SGCD: variants seen among roughly 807,000 people sequenced by gnomAD.
SGCD encodes the protein delta-sarcoglycan.
A neutral mutation model predicts 36.6 loss-of-function variants in SGCD; 18 were observed. The observed-to-expected ratio is 0.49, with a 90% CI of 0.34 to 0.73. The LOEUF (loss-of-function observed/expected upper bound fraction) is 0.73, where lower values mean the gene tolerates loss of function less well. SGCD is among the 30% of genes least tolerant of loss of function. SGCD has a pLI of 0.01. For synonymous variants in SGCD, 133 were observed against 130.6 expected (o/e 1.02, Z -0.12); for missense variants, 387 against 346.7 (o/e 1.12, Z -0.92).
In SGCD at chr5:156,440,316, C is replaced by A. The variant is rs540706832; in HGVS notation, c.193-68285C>A. ...GTACTTTATTCTTTTTTATTGCTGACTAATATTTCTTTTTGTGGATTATGC... is the reference window on the plus strand; with the variant it reads ...GTACTTTATTCTTTTTTATTGCTGAATAATATTTCTTTTTGTGGATTATGC... On this transcript the variant is annotated intron_variant, in intron 3 of 8. Transcript: ENST00000337851. Among the ~76,000 whole-genome samples the A allele has an allele frequency of 5.3e-5, 8 of 152,172 alleles. No individual in the cohort carries two copies. The East Asian group carries it at 1.4e-3, about 26-fold the overall frequency.
the SGCD span, among the ~76,000 whole-genome samples, chr5:155,743,122 C>T: frequency 6.6e-6 from 1 of 152,132 alleles, no homozygotes. Context: ...TTTAGGTAGT[C>T]ATGATTGTTT....
intron 1 of SGCD, among the ~76,000 whole-genome samples, chr5:156,095,337 G>A (rs1761349702): frequency 6.6e-6 from 1 of 152,092 alleles, no homozygotes; most frequent in African/African-American, 2.4e-5. Flanking sequence ...TCCAAGTCCC[G>A]GTCTATCTAT....
chr5:156,568,315 C>G (rs1192402795), intron 4 of SGCD, among the ~76,000 whole-genome samples: 1 of 152,136 alleles, frequency 6.6e-6, no homozygotes, highest in Non-Finnish European at 1.5e-5. Flanking sequence ...ACCCGGGAGG[C>G]AGAGGTAGTG....
chr5:156,117,575 T>C (rs188474085), intron 1 of SGCD, among the ~76,000 whole-genome samples: 7 of 152,254 alleles, frequency 4.6e-5, no homozygotes, highest in Non-Finnish European at 1.0e-4. Flanking sequence ...AGCAAACAAC[T>C]GCATACTTAG....
intron 1 of SGCD, among the ~76,000 whole-genome samples, chr5:155,916,037 C>G (rs1424451348): frequency 6.6e-6 from 1 of 152,182 alleles, no homozygotes; most frequent in Non-Finnish European, 1.5e-5. Flanking sequence ...CTTAAGCAGC[C>G]ATTTTTACAA....
At position 156,589,234 on chromosome 5, in the gene SGCD, A is replaced by C. The variant is rs1436273126; in HGVS notation, c.298A>C (p.Asn100His). 1.9e-6 allele frequency: 3 copies of C among 1,555,114 alleles called. No individual in the cohort carries two copies. In the East Asian group the frequency reaches 7.0e-5, roughly 36 times the overall value. ...YAKEIQSRPG[N>H]ALYFKSARNV... ...TTCTCTTATTTTCTTATTGCAGGGT[A>C]ATGCCCTGTACTTCAAGTCTGCCAG... The change falls in exon 5 of 9, where the codon AAT (asparagine) becomes CAT (histidine). Residue 100 changes from asparagine (N) to histidine (H), a missense_variant. By Grantham distance (68) the Asn-to-His change is moderately conservative. Transcript: ENST00000337851.
chr5:155,798,151 A>G, the SGCD span, among the ~76,000 whole-genome samples: 11 of 152,006 alleles, frequency 7.2e-5, no homozygotes, highest in African/African-American at 2.4e-4. Flanking sequence ...GATTCCATAC[A>G]CTTCTTCCTT....
intron 1 of SGCD, among the ~76,000 whole-genome samples, chr5:155,981,030 C>T (rs182817475): frequency 7.6e-4 from 116 of 152,298 alleles, no homozygotes; most frequent in South Asian, 3.9e-3. Flanking sequence ...CTCTCTGGCT[C>T]ACAGGAGAGG....
chr5:156,277,182 TGCCAGGCAA>T (rs1766339511), intron 3 of SGCD, among the ~76,000 whole-genome samples: 1 of 152,182 alleles, frequency 6.6e-6, no homozygotes, highest in South Asian at 2.1e-4. Flanking sequence ...GTGCTGGGTG[TGCCAGGCAA>T]GCCTTACCTG....
At chr5:156,245,744 C>G (rs1469209162) in intron 3 of SGCD, among the ~76,000 whole-genome samples, 1 of 151,770 alleles carries the variant, frequency 6.6e-6, no homozygotes, top group Non-Finnish European at 1.5e-5. Flanking sequence ...TGGAGAAATT[C>G]TAGAAGACAA....
At chr5:156,166,217 A>AATTACTAATTG (rs1395582929) in intron 3 of SGCD, among the ~76,000 whole-genome samples, 1 of 150,206 alleles carries the variant, frequency 6.7e-6, no homozygotes, top group East Asian at 1.9e-4. Flanking sequence ...CTTTTTTTAA[A>AATTACTAATTG]ATTACTAATT....
chr5:156,223,229 T>C (rs1213217881), intron 3 of SGCD, among the ~76,000 whole-genome samples: 1 of 152,028 alleles, frequency 6.6e-6, no homozygotes, highest in East Asian at 1.9e-4. Flanking sequence ...GTAGTGGCGT[T>C]CATGACACAA....
chr5:155,963,372 T>C (rs570255412), intron 1 of SGCD, among the ~76,000 whole-genome samples: 151 of 152,256 alleles, frequency 9.9e-4, no homozygotes, highest in Non-Finnish European at 1.8e-3. Context: ...TCTCCCCATG[T>C]CACTTACCTA....
At chr5:155,913,018 T>C (rs1756663171) in intron 1 of SGCD, among the ~76,000 whole-genome samples, 1 of 152,170 alleles carries the variant, frequency 6.6e-6, no homozygotes, top group Admixed American at 6.5e-5. Flanking sequence ...TCCGAACTTT[T>C]GCATTGTGAT....
At chr5:155,898,637 G>A (rs973468008) in intron 1 of SGCD, among the ~76,000 whole-genome samples, 1 of 152,084 alleles carries the variant, frequency 6.6e-6, no homozygotes, top group East Asian at 1.9e-4. Context: ...TCCCAGGGTT[G>A]GTGTAGTATC....
At chr5:156,341,094 A>G (rs775553552) in intron 2 of SGCD, among the ~76,000 whole-genome samples, 13 of 152,154 alleles carry the variant, frequency 8.5e-5, no homozygotes, top group Non-Finnish European at 1.5e-4. Context: ...ATGACATGCA[A>G]TAAGCCACTA....
At chr5:155,950,869 C>T (rs567382389) in intron 1 of SGCD, among the ~76,000 whole-genome samples, 1 of 152,294 alleles carries the variant, frequency 6.6e-6, no homozygotes, top group African/African-American at 2.4e-5. Flanking sequence ...GCAGGAAACC[C>T]TCTCACCTAA....
At chr5:156,146,093 G>A (rs1251363423) in intron 3 of SGCD, among the ~76,000 whole-genome samples, 6 of 152,102 alleles carry the variant, frequency 3.9e-5, no homozygotes, top group Admixed American at 2.0e-4. Context: ...GGCGCCTGTA[G>A]TCCCAGCTAC....
intron 1 of SGCD, among the ~76,000 whole-genome samples, chr5:155,900,094 GA>G (rs1196300085): frequency 1.3e-5 from 2 of 152,070 alleles, no homozygotes; most frequent in African/African-American, 4.8e-5. Context: ...AAATTTGTGT[GA>G]TTTTTTTGGA....
Sources: allele counts gnomAD v4.1 joint callset (sites outside exome capture counted in the v4.1 genomes callset), GRCh38; gene constraint gnomAD v4.1.1; transcripts MANE v1.5; gene names NCBI Gene and HGNC (gene_info 2026-07-23, HGNC 2026-07-21).